INVS: variants seen among roughly 807,000 people sequenced by gnomAD.
The protein encoded by INVS is inversion of embryo turning homolog.
In INVS, 86 loss-of-function variants were observed where a neutral mutation model predicts 108.8. That is an observed-to-expected ratio of 0.79 (90% CI 0.66 to 0.95). The LOEUF is 0.95. Ranked by LOEUF, INVS falls within the 40% of genes least tolerant of loss-of-function variation. INVS has a pLI of 0.00. For missense variants in INVS, 1,169 were observed against 1,297.4 expected (o/e 0.90, Z 1.52); for synonymous variants, 455 against 473.5 (o/e 0.96, Z 0.51).
At chr9:100,231,167 T>A (rs1308927267) in intron 5 of INVS, among the ~76,000 whole-genome samples, 5 of 152,366 alleles carry the variant, frequency 3.3e-5, no homozygotes, top group African/African-American at 1.2e-4. Context: ...CATGCTATGA[T>A]AGTCCAATAG....
intron 3 of INVS, among the ~76,000 whole-genome samples, chr9:100,208,429 C>T (rs1830738099): frequency 6.6e-6 from 1 of 152,156 alleles, no homozygotes; most frequent in Non-Finnish European, 1.5e-5. Flanking sequence ...TTTACTTACA[C>T]ATTTGTCTGT....
At chr9:100,208,047 G>A (rs118130701) in intron 3 of INVS, among the ~76,000 whole-genome samples, 70 of 152,264 alleles carry the variant, frequency 4.6e-4, no homozygotes, top group Non-Finnish European at 9.4e-4. Flanking sequence ...AACTAAAATA[G>A]TCTTTAATCT....
chr9:100,265,917 A>C (rs1832777067), intron 11 of INVS, among the ~76,000 whole-genome samples: 1 of 152,178 alleles, frequency 6.6e-6, no homozygotes, highest in Admixed American at 6.5e-5. Flanking sequence ...TCTCTACTAA[A>C]AATATAAAAA....
At chr9:100,134,062 A>T (rs1034882912) in intron 3 of INVS, among the ~76,000 whole-genome samples, 1 of 151,972 alleles carries the variant, frequency 6.6e-6, no homozygotes, top group Non-Finnish European at 1.5e-5. Context: ...ATGCCGCACC[A>T]TATTTGTTGT....
At chr9:100,165,236 A>AT (rs1445780157) in intron 3 of INVS, among the ~76,000 whole-genome samples, 1 of 151,998 alleles carries the variant, frequency 6.6e-6, no homozygotes, top group Non-Finnish European at 1.5e-5. Flanking sequence ...AGCATTTATC[A>AT]TTTTTTGTTA....
rs560713261 is a variant in INVS at position 100,104,516 on chromosome 9, A to C, written c.-6A>C. On this transcript the variant is annotated 5_prime_UTR_variant, in exon 2 of 17. Transcript: ENST00000262457. ...GTTTCAGGTTGCTCCGGTTGCTAAGAAGACTATGAACAAGTCAGAGAACCT... is the reference window on the plus strand; with the variant it reads ...GTTTCAGGTTGCTCCGGTTGCTAAGCAGACTATGAACAAGTCAGAGAACCT... 3 of 1,608,102 alleles carry C rather than the reference A, an allele frequency of 1.9e-6. No homozygotes were observed. In the East Asian group the frequency reaches 6.7e-5, roughly 36 times the overall value.
intron 3 of INVS, among the ~76,000 whole-genome samples, chr9:100,131,071 T>G (rs1215025649): frequency 6.6e-6 from 1 of 152,158 alleles, no homozygotes; most frequent in Admixed American, 6.5e-5. Flanking sequence ...TGGGAAAAGC[T>G]CATATTCCCA....
At chr9:100,114,171 T>C (rs1827434439) in intron 2 of INVS, among the ~76,000 whole-genome samples, 1 of 152,188 alleles carries the variant, frequency 6.6e-6, no homozygotes, top group African/African-American at 2.4e-5. Flanking sequence ...TTGAGAAATA[T>C]ATAATCATGT....
intron 5 of INVS, among the ~76,000 whole-genome samples, chr9:100,232,108 G>C (rs1405497105): frequency 6.6e-6 from 1 of 152,086 alleles, no homozygotes; most frequent in Non-Finnish European, 1.5e-5. Flanking sequence ...AATGACCAGT[G>C]ATGATGAGCT....
At chr9:100,209,493 G>T (rs1259412504) in intron 3 of INVS, among the ~76,000 whole-genome samples, 1 of 152,056 alleles carries the variant, frequency 6.6e-6, no homozygotes, top group Non-Finnish European at 1.5e-5. Context: ...AGTACTGGCC[G>T]GGTGCAGTGG....
chr9:100,197,055 T>TA (rs1830398843), intron 3 of INVS, among the ~76,000 whole-genome samples: 1 of 152,192 alleles, frequency 6.6e-6, no homozygotes, highest in Admixed American at 6.5e-5. Context: ...TGGTATCAGA[T>TA]ACCACAGATT....
intron 10 of INVS, among the ~76,000 whole-genome samples, chr9:100,259,266 G>A (rs1832528954): frequency 6.6e-6 from 1 of 152,154 alleles, no homozygotes; most frequent in South Asian, 2.1e-4. Context: ...TAAAACCATT[G>A]GAAAAAGCGC....
chr9:100,190,589 C>T (rs542158984), intron 3 of INVS, among the ~76,000 whole-genome samples: 95 of 151,882 alleles, frequency 6.3e-4, no homozygotes, highest in African/African-American at 2.1e-3. Context: ...TTTGCTCATC[C>T]GAAAAAAAAC....
chr9:100,175,784 C>T (rs1336642079), intron 3 of INVS: 2 of 644,132 alleles, frequency 3.1e-6, no homozygotes, highest in African/African-American at 1.8e-5. Context: ...ACATCCAGTC[C>T]TAGAACAGCC....
intron 3 of INVS, among the ~76,000 whole-genome samples, chr9:100,162,483 C>T (rs964716713): frequency 5.3e-5 from 8 of 152,122 alleles, no homozygotes; most frequent in Non-Finnish European, 1.2e-4. Flanking sequence ...TTCAAGGTGG[C>T]TGCCTAAATT....
At chr9:100,197,010 C>T (rs1830397026) in intron 3 of INVS, among the ~76,000 whole-genome samples, 1 of 152,070 alleles carries the variant, frequency 6.6e-6, no homozygotes, top group Admixed American at 6.6e-5. Context: ...AGCTGGATAT[C>T]CCCTAATTCA....
At position 100,246,796 on chromosome 9, in the gene INVS, T is replaced by C. The variant is rs930944528; in HGVS notation, c.1078+9T>C. The C allele has an allele frequency of 6.2e-7, 1 of 1,612,502 alleles. No homozygotes were observed. Among genetic ancestry groups the C allele is most frequent in the African/African-American group, 1.3e-5 (1 of 74,888 alleles). On this transcript the variant is annotated intron_variant, in intron 8 of 16. Coordinates refer to ENST00000262457, the MANE Select transcript of INVS (RefSeq NM_014425.5). ...CAAATATGGAGGTACAGGTGAGAAC[T>C]GGTGGACACATTCAATTTGCTTTCA... is the stretch of plus-strand genomic sequence containing the variant.
At chr9:100,253,818 A>G (rs1832322995) in intron 10 of INVS, among the ~76,000 whole-genome samples, 1 of 152,096 alleles carries the variant, frequency 6.6e-6, no homozygotes, top group Non-Finnish European at 1.5e-5. Context: ...TCTATCATTG[A>G]TGTACATTTG....
intron 5 of INVS, among the ~76,000 whole-genome samples, chr9:100,232,687 G>A (rs1445098014): frequency 6.6e-6 from 1 of 152,018 alleles, no homozygotes; most frequent in Non-Finnish European, 1.5e-5. Context: ...TATTTCTGAG[G>A]CCTCTGTTCT....
Sources: gnomAD v4.1 joint callset for allele counts (sites outside exome capture counted in the v4.1 genomes callset) on GRCh38, gnomAD v4.1.1 for gene constraint, MANE v1.5 for transcripts, NCBI Gene and HGNC (gene_info 2026-07-23, HGNC 2026-07-21) for gene names.